The following COL11A1 variants were observed in gnomAD, a reference collection of about 807,000 sequenced individuals.
The protein encoded by COL11A1 is collagen type XI alpha 1 chain.
COL11A1 carries 74 observed loss-of-function variants against 265.2 expected under a neutral mutation model. The observed-to-expected ratio is 0.28, with a 90% CI of 0.23 to 0.34. The LOEUF is 0.34. Ranked by LOEUF, COL11A1 falls within the 10% of genes least tolerant of loss-of-function variation. The probability of loss-of-function intolerance (pLI) is 1.00; values close to 1 mark genes in which losing one functional copy is unlikely to be tolerated. For missense variants in COL11A1, 2,165 were observed against 2,263.6 expected (o/e 0.96, Z 0.88); for synonymous variants, 816 against 727.6 (o/e 1.12, Z -1.96).
chr1:103,097,301 T>C (rs1673856255), intron 1 of COL11A1, among the ~76,000 whole-genome samples: 1 of 151,924 alleles, frequency 6.6e-6, no homozygotes, highest in Non-Finnish European at 1.5e-5. Context: ...TCACGTTTTA[T>C]CCCCACTGCT....
At chr1:102,904,771 T>C (rs1015537327) in intron 54 of COL11A1, among the ~76,000 whole-genome samples, 2 of 152,048 alleles carry the variant, frequency 1.3e-5, no homozygotes, top group African/African-American at 2.4e-5. Context: ...TTTTACACTG[T>C]TGGTGGGACT....
At chr1:102,897,959 A>G (rs1459193789) in intron 57 of COL11A1, among the ~76,000 whole-genome samples, 166 bp downstream of exon 57, 2 of 152,184 alleles carry the variant, frequency 1.3e-5, no homozygotes, top group African/African-American at 4.8e-5. Context: ...TTTTCCATAT[A>G]CCTATCAGTT....
rs1431727402 is a variant in COL11A1, at chr1:102,912,261, G to A, written c.4033-49C>T. 2.7e-6 allele frequency: 4 copies of A among 1,477,344 alleles called. No homozygotes were observed. In the Admixed American group the frequency reaches 5.9e-5, roughly 22 times the overall value. 91.5% of individuals were successfully genotyped at this position (1,477,344 alleles called of 1,614,324 possible). ...TTAACAAAATTGGATATTATTTTGT[G>A]GCCCACATAAATTTTCAAAATCTGG... On this transcript the variant is annotated intron_variant, in intron 53 of 66. Transcript: ENST00000370096.
chr1:102,886,002 CT>C (rs1003786013), intron 63 of COL11A1, among the ~76,000 whole-genome samples: 1 of 151,994 alleles, frequency 6.6e-6, no homozygotes, highest in Non-Finnish European at 1.5e-5. Context: ...CATTGAGTTA[CT>C]TAGATCACAG....
intron 37 of COL11A1, among the ~76,000 whole-genome samples, chr1:102,967,243 T>TTTA (rs1661505107): frequency 9.3e-6 from 1 of 107,688 alleles, no homozygotes; most frequent in Non-Finnish European, 1.9e-5. Context: ...TTTTTTTTTT[T>TTTA]TTTTTTTTTT....
rs189878728 is a variant in COL11A1, at chr1:103,065,847, A to T, written c.651+8771T>A. On this transcript the variant is annotated intron_variant, in intron 4 of 66. Coordinates refer to ENST00000370096, the MANE Select transcript of COL11A1 (RefSeq NM_001854.4). ...GAATAAATTAAAACAAAATTATGAC[A>T]ATCTACTGAAGTCAATCTACTGAAA... is the stretch of plus-strand genomic sequence containing the variant. Among the ~76,000 whole-genome samples the T allele has an allele frequency of 5.0e-4, 76 of 152,254 alleles. 1 individual carries two copies. The highest frequency in any genetic ancestry group is 1.7e-3 in the African/African-American group (71 of 41,562).
At chr1:103,034,755 AT>A (rs71310144) in intron 4 of COL11A1, among the ~76,000 whole-genome samples, 13 of 149,982 alleles carry the variant, frequency 8.7e-5, no homozygotes, top group African/African-American at 2.2e-4. Flanking sequence ...CTTAATTTTC[AT>A]TTTTTTTTGT....
At chr1:102,924,915 T>A (rs1420726221) in intron 46 of COL11A1, among the ~76,000 whole-genome samples, 1 of 151,994 alleles carries the variant, frequency 6.6e-6, no homozygotes, top group Non-Finnish European at 1.5e-5. Context: ...ATAGCAAACA[T>A]AGTAATCGTT....
At chr1:102,974,689 G>A (rs1207737977) in intron 36 of COL11A1, 141 bp downstream of exon 36, 3 of 672,096 alleles carry the variant, frequency 4.5e-6, no homozygotes, top group Non-Finnish European at 7.8e-6. Flanking sequence ...AATTAAAAAT[G>A]TCTACTTTCT....
intron 63 of COL11A1, among the ~76,000 whole-genome samples, chr1:102,885,650 C>A (rs933283358): frequency 6.6e-6 from 1 of 151,876 alleles, no homozygotes; most frequent in African/African-American, 2.4e-5. Context: ...TAAAAAAAAT[C>A]ATCTAAGATT....
At chr1:103,050,563 G>A (rs1051986654) in intron 4 of COL11A1, among the ~76,000 whole-genome samples, 22 of 151,930 alleles carry the variant, frequency 1.4e-4, no homozygotes, top group Non-Finnish European at 2.4e-4. Flanking sequence ...CCTGTGGCTC[G>A]GAGTAGTTTG....
chr1:103,003,148 T>TA, intron 21 of COL11A1, 67 bp downstream of exon 21: 1 of 1,541,472 alleles, frequency 6.5e-7, no homozygotes, highest in Non-Finnish European at 8.9e-7. Context: ...TGAGGGCTTT[T>TA]ATGGCCTCTA....
rs781016402 is a variant in COL11A1 at position 102,979,431 on chromosome 1, G to A, written c.2561C>T (p.Ser854Phe). ...ACCTGGAAACCCAGGGAATCCAGTG[G>A]AACCCTACAATAATAAAAGTAAATA... ...GYPGRQGPKGSTGFPGFPGAN... is the reference protein window; with the variant it reads ...GYPGRQGPKGFTGFPGFPGAN... The change falls in exon 32 of 67, where the codon TCC (serine) becomes TTC (phenylalanine). Residue 854 changes from serine to phenylalanine, a missense_variant. Ser to Phe is a radical substitution (Grantham distance 155, BLOSUM62 -2). Transcript: ENST00000370096. 2 of 1,600,324 alleles carry A rather than the reference G, an allele frequency of 1.2e-6. No homozygotes were observed. The highest frequency in any genetic ancestry group is 3.3e-5 in the Admixed American group (2 of 59,936).
Position 102,987,731 on chromosome 1 carries a change from C to T in COL11A1, c.2404G>A (p.Gly802Ser). ...TCTTCCCCTCTTGGGCCAATTTGACCAACTTCTCCCTGAGGCACAGAATAA... is the reference window on the plus strand; with the variant it reads ...TCTTCCCCTCTTGGGCCAATTTGACTAACTTCTCCCTGAGGCACAGAATAA... The part of the protein sequence containing the change: ...MGLKGDRGEV[G>S]QIGPRGEDGP... The change falls in exon 30 of 67, where the codon GGT becomes AGT. Residue 802 changes from glycine to serine, a missense_variant. Physicochemically the swap from Gly to Ser is moderately conservative, Grantham distance 56 (BLOSUM62 0). Coordinates refer to ENST00000370096, the MANE Select transcript of COL11A1 (RefSeq NM_001854.4). 6.2e-7 allele frequency: 1 copy of T among 1,612,792 alleles called. No homozygotes were observed. The highest frequency in any genetic ancestry group is 8.5e-7 in the Non-Finnish European group (1 of 1,179,046).
intron 4 of COL11A1, among the ~76,000 whole-genome samples, chr1:103,057,778 T>G (rs1057377276): frequency 6.6e-5 from 10 of 152,180 alleles, no homozygotes; most frequent in Non-Finnish European, 1.5e-4. Flanking sequence ...ACTGTAGGCT[T>G]AAAATATTCA....
At chr1:103,022,716 T>C in intron 8 of COL11A1, 26 bp downstream of exon 8, 1 of 1,613,218 alleles carries the variant, frequency 6.2e-7, no homozygotes, top group Non-Finnish European at 8.5e-7. Flanking sequence ...AGACATACAA[T>C]GACACAGTGC....
At chr1:103,031,428 G>T (rs1231524837) in intron 4 of COL11A1, among the ~76,000 whole-genome samples, 184 bp from the exon 5 acceptor site, 1 of 152,018 alleles carries the variant, frequency 6.6e-6, no homozygotes, top group African/African-American at 2.4e-5. Flanking sequence ...TTACAAATCG[G>T]CTGTAAATAT....
intron 4 of COL11A1, among the ~76,000 whole-genome samples, chr1:103,053,627 T>C (rs894261116): frequency 6.6e-6 from 1 of 152,166 alleles, no homozygotes; most frequent in African/African-American, 2.4e-5. Flanking sequence ...CGCTTTTGAG[T>C]CTTGGCTAAG....
chr1:103,039,682 T>C (rs1006456788), intron 4 of COL11A1, among the ~76,000 whole-genome samples: 3 of 152,020 alleles, frequency 2.0e-5, no homozygotes, highest in African/African-American at 7.3e-5. Flanking sequence ...TTTAAGCCAC[T>C]GAGGCTGTGG....
Sources: gnomAD v4.1 joint callset for allele counts (sites outside exome capture counted in the v4.1 genomes callset) on GRCh38, gnomAD v4.1.1 for gene constraint, MANE v1.5 for transcripts, NCBI Gene and HGNC (gene_info 2026-07-23, HGNC 2026-07-21) for gene names.